SMARCC1: variants seen among roughly 807,000 people sequenced by gnomAD.
The protein encoded by SMARCC1 is SWI/SNF complex subunit SMARCC1.
Under a neutral mutation model 147.4 loss-of-function variants are expected in SMARCC1, and 43 were observed. The observed-to-expected ratio is 0.29, with a 90% confidence interval of 0.23 to 0.38. The LOEUF is 0.38. SMARCC1 is among the 10% of genes least tolerant of loss of function. SMARCC1 has a pLI of 1.00. For missense variants in SMARCC1, 1,119 were observed against 1,381.1 expected, an observed-to-expected ratio of 0.81 and a Z score of 3.01; for synonymous variants, 495 against 484.4, an observed-to-expected ratio of 1.02 and a Z score of -0.29.
chr3:47,678,595 T>C (rs2033600907), intron 15 of SMARCC1, among the ~76,000 whole-genome samples: 1 of 152,236 alleles, frequency 6.6e-6, no homozygotes, highest in African/African-American at 2.4e-5. Context: ...AACTGCAGAA[T>C]TGGAAACTAA....
At chr3:47,773,124 A>C (rs747755784) in intron 1 of SMARCC1, among the ~76,000 whole-genome samples, 188 bp from the exon 2 acceptor site, 2 of 151,954 alleles carry the variant, frequency 1.3e-5, no homozygotes, top group Admixed American at 6.6e-5. Context: ...TAAGACGGTT[A>C]ATTTTTTTTT....
At chr3:47,765,379 T>C (rs903829035) in intron 2 of SMARCC1, among the ~76,000 whole-genome samples, 44 of 152,110 alleles carry the variant, frequency 2.9e-4, no homozygotes, top group Non-Finnish European at 4.6e-4. Context: ...ACCTGGACTG[T>C]GGTTAAATGG....
At chr3:47,688,553 C>T (rs1191538445) in intron 13 of SMARCC1, among the ~76,000 whole-genome samples, 1 of 152,014 alleles carries the variant, frequency 6.6e-6, no homozygotes, top group Non-Finnish European at 1.5e-5. Context: ...CCTGAGTAAA[C>T]AAGACGCCGT....
At chr3:47,659,999 G>C (rs2033322568) in intron 21 of SMARCC1, among the ~76,000 whole-genome samples, 1 of 152,006 alleles carries the variant, frequency 6.6e-6, no homozygotes, top group Non-Finnish European at 1.5e-5. Context: ...TGAAAAACAG[G>C]CTGGCAGTTT....
intron 18 of SMARCC1, among the ~76,000 whole-genome samples, chr3:47,673,406 G>GGGGGGC (rs2033529469): frequency 7.9e-6 from 1 of 125,924 alleles, no homozygotes; most frequent in East Asian, 3.1e-4. Flanking sequence ...GGGTGGGGGG[G>GGGGGGC]GGGCAGGCCA....
chr3:47,729,138 C>G, intron 5 of SMARCC1, 44 bp from the exon 6 acceptor site: 1 of 1,245,036 alleles, frequency 8.0e-7, no homozygotes, highest in Non-Finnish European at 1.2e-6. Context: ...AAGCACATGG[C>G]AATGAACTAT....
In SMARCC1 at chr3:47,686,223, T is replaced by A. The variant is rs1199944635; in HGVS notation, c.1264-53A>T. The A allele has an allele frequency of 7.7e-6, 11 of 1,421,474 alleles. No individual in the cohort carries two copies. The East Asian group carries it at 2.1e-4, about 27-fold the overall frequency. The allele number at this position is 1,421,474 out of a possible 1,614,324, so 88.1% of individuals were successfully genotyped here. On this transcript the variant is annotated intron_variant, in intron 13 of 27. Transcript: ENST00000254480. ...AAAGAAAGAACTACAGAGAGAGATA[T>A]ATATAACATCTCTTACACTTCAGTT...
At chr3:47,632,514 A>G (rs920706683) in intron 24 of SMARCC1, among the ~76,000 whole-genome samples, 4 of 152,082 alleles carry the variant, frequency 2.6e-5, no homozygotes, top group African/African-American at 9.7e-5. Flanking sequence ...GCACAGTGGT[A>G]TCAAGAGGAG....
intron 26 of SMARCC1, among the ~76,000 whole-genome samples, chr3:47,597,056 A>C (rs886999590): frequency 3.3e-5 from 5 of 151,530 alleles, no homozygotes; most frequent in African/African-American, 1.2e-4. Context: ...ACGCACCTGT[A>C]ATCCCAGCTA....
chr3:47,641,101 T>C (rs2033042075), intron 21 of SMARCC1, among the ~76,000 whole-genome samples: 1 of 152,216 alleles, frequency 6.6e-6, no homozygotes. Context: ...AACAGTATTC[T>C]CTATATAAAA....
intron 21 of SMARCC1, among the ~76,000 whole-genome samples, chr3:47,659,914 A>G (rs1217058403): frequency 6.6e-6 from 1 of 152,196 alleles, no homozygotes; most frequent in Non-Finnish European, 1.5e-5. Flanking sequence ...AATGGAAAAT[A>G]AGTATTGACA....
At chr3:47,633,385 T>C (rs1029477857) in intron 24 of SMARCC1, among the ~76,000 whole-genome samples, 1 of 151,916 alleles carries the variant, frequency 6.6e-6, no homozygotes, top group Non-Finnish European at 1.5e-5. Context: ...TGAGCCGAGG[T>C]TGCAGGTTTG....
intron 21 of SMARCC1, among the ~76,000 whole-genome samples, chr3:47,644,135 T>TCAC (rs1247620608): frequency 2.6e-5 from 4 of 152,050 alleles, no homozygotes; most frequent in African/African-American, 9.7e-5. Flanking sequence ...TGAGAAATGA[T>TCAC]CACCACTGCA....
chr3:47,759,934 T>A (rs1025344384), intron 2 of SMARCC1, among the ~76,000 whole-genome samples: 2 of 149,458 alleles, frequency 1.3e-5, no homozygotes, highest in Non-Finnish European at 1.5e-5. Flanking sequence ...CGAGACTCCA[T>A]CTCCAGAAAA....
At chr3:47,772,314 A>G (rs540138847) in intron 2 of SMARCC1, among the ~76,000 whole-genome samples, 2 of 152,150 alleles carry the variant, frequency 1.3e-5, no homozygotes, top group East Asian at 3.9e-4. Flanking sequence ...AGATGGCTAG[A>G]GCCGGGAGAT....
chr3:47,714,520 A>C (rs955837500), intron 7 of SMARCC1, 30 bp from the exon 8 acceptor site: 2 of 1,107,534 alleles, frequency 1.8e-6, no homozygotes, highest in Non-Finnish European at 1.3e-6. Flanking sequence ...AGAAAAACAA[A>C]TTAGAGTCAA....
At chr3:47,599,389 GTTA>G (rs2032350332) in intron 26 of SMARCC1, among the ~76,000 whole-genome samples, 1 of 152,142 alleles carries the variant, frequency 6.6e-6, no homozygotes, top group Non-Finnish European at 1.5e-5. Flanking sequence ...CCTCAAAAAA[GTTA>G]TTATAGCAGC....
intron 7 of SMARCC1, among the ~76,000 whole-genome samples, chr3:47,717,974 A>G (rs540372302): frequency 6.6e-6 from 1 of 151,808 alleles, no homozygotes; most frequent in African/African-American, 2.4e-5. Context: ...AACAACATAC[A>G]GAGCACCCCC....
At chr3:47,633,764 ATATATAT>A (rs1311995230) in intron 24 of SMARCC1, among the ~76,000 whole-genome samples, 1 of 39,760 alleles carries the variant, frequency 2.5e-5, no homozygotes, top group Admixed American at 3.4e-4. Flanking sequence ...AAAAAAAAAA[ATATATAT>A]ATATATATAC....
Sources: allele counts gnomAD v4.1 joint callset (sites outside exome capture counted in the v4.1 genomes callset), GRCh38; gene constraint gnomAD v4.1.1; transcripts MANE v1.5; gene names NCBI Gene and HGNC (gene_info 2026-07-23, HGNC 2026-07-21).